Variants in GRIA4 observed in about 807,000 individuals in gnomAD.
GRIA4 encodes the protein glutamate ionotropic receptor AMPA type subunit 4, also known as glutamate receptor 4.
Under a neutral mutation model 104.0 loss-of-function variants are expected in GRIA4, and 34 were observed. That is an observed-to-expected ratio of 0.33 (90% CI 0.25 to 0.44). The LOEUF (loss-of-function observed/expected upper bound fraction) is 0.44. Among genes scored for constraint, GRIA4 ranks in the 20% least tolerant of loss-of-function variants. The probability of loss-of-function intolerance (pLI) is 1.00; values close to 1 mark genes in which losing one functional copy is unlikely to be tolerated. For synonymous variants in GRIA4, 386 were observed against 381.9 expected (o/e 1.01, Z -0.13); for missense variants, 750 against 1,096.5 (o/e 0.68, Z 4.46).
chr11:105,887,503 G>T lies in GRIA4; in HGVS notation c.673-16G>T. 8.7e-7 allele frequency: 1 copy of T among 1,151,896 alleles called. No individual in the cohort carries two copies. Among genetic ancestry groups the T allele is most frequent in the Admixed American group, 2.1e-5 (1 of 48,456 alleles). 71.4% of individuals were successfully genotyped at this position (1,151,896 alleles called of 1,614,324 possible). ...AATTAAAATTGATTTTCTCTTATTT[G>T]CTTATATCTTCACAGATTGTAAGTG... is the stretch of plus-strand genomic sequence containing the variant. On this transcript the variant is annotated splice_polypyrimidine_tract_variant and intron_variant, in intron 5 of 16. Coordinates refer to ENST00000282499, the MANE Select transcript of GRIA4 (RefSeq NM_000829.4).
intron 3 of GRIA4, among the ~76,000 whole-genome samples, chr11:105,660,895 T>G (rs188590809): frequency 1.3e-5 from 2 of 151,790 alleles, no homozygotes; most frequent in African/African-American, 4.8e-5. Flanking sequence ...ACTTACTTAT[T>G]TTCAAAGTTT....
At chr11:105,969,128 C>T (rs1202925465) in intron 14 of GRIA4, among the ~76,000 whole-genome samples, 3 of 152,168 alleles carry the variant, frequency 2.0e-5, no homozygotes, top group Non-Finnish European at 2.9e-5. Context: ...TGGTCGTGCA[C>T]TTCCTGATAA....
chr11:105,739,887 A>T (rs1051132014), intron 3 of GRIA4, among the ~76,000 whole-genome samples: 7 of 152,184 alleles, frequency 4.6e-5, no homozygotes, highest in Non-Finnish European at 8.8e-5. Flanking sequence ...CAACAGGTAA[A>T]AATTAAGTTA....
chr11:105,634,587 T>G (rs1189921743), intron 3 of GRIA4, among the ~76,000 whole-genome samples: 1 of 152,128 alleles, frequency 6.6e-6, no homozygotes, highest in Non-Finnish European at 1.5e-5. Flanking sequence ...TAGTATCTGC[T>G]GCATATACCA....
intron 4 of GRIA4, among the ~76,000 whole-genome samples, chr11:105,790,313 A>T (rs1465327519): frequency 6.6e-6 from 1 of 152,186 alleles, no homozygotes; most frequent in African/African-American, 2.4e-5. Flanking sequence ...GCTGTGTGTC[A>T]CGCTTTAGTA....
At position 105,979,596 on chromosome 11, in the gene GRIA4, A is replaced by T. The variant is rs367663263; in HGVS notation, c.2566A>T (p.Arg856Ter). ...RMKLTFSEAI[R>*]NKARLSITGS... Reference sequence around the variant, plus strand: ...CCAGCTGACCTTTTCTGAAGCCATAAGAAACAAAGCCAGATTATCCATCAC... The same window carrying T: ...CCAGCTGACCTTTTCTGAAGCCATATGAAACAAAGCCAGATTATCCATCAC... Residue 856 changes from arginine to a stop codon, truncating the protein, a stop_gained, in exon 17 of 17, where the codon AGA becomes TGA. Transcript: ENST00000282499. LOFTEE classifies it high-confidence loss of function. 6.2e-7 allele frequency: 1 copy of T among 1,614,084 alleles called. No homozygotes were observed. Among genetic ancestry groups the T allele is most frequent in the Non-Finnish European group, 8.5e-7 (1 of 1,180,028 alleles).
chr11:105,633,158 T>C (rs1951081970), intron 3 of GRIA4, among the ~76,000 whole-genome samples: 1 of 152,230 alleles, frequency 6.6e-6, no homozygotes, highest in South Asian at 2.1e-4. Context: ...ACTCAATGAA[T>C]TAGTGCCATT....
At chr11:105,629,096 T>C (rs988667544) in intron 3 of GRIA4, among the ~76,000 whole-genome samples, 3 of 82,390 alleles carry the variant, frequency 3.6e-5, no homozygotes, top group Non-Finnish European at 8.5e-5. Flanking sequence ...AAAAAAAAAA[T>C]TAGCGTGGCT....
chr11:105,752,957 G>A, intron 3 of GRIA4, 24 bp from the exon 4 acceptor site: 1 of 1,605,580 alleles, frequency 6.2e-7, no homozygotes. Context: ...AATAGTTTGT[G>A]GTGTTTTCTT....
intron 14 of GRIA4, among the ~76,000 whole-genome samples, chr11:105,968,418 T>C (rs1325416051): frequency 1.3e-5 from 2 of 152,188 alleles, no homozygotes; most frequent in Non-Finnish European, 2.9e-5. Context: ...ATTAGACTAT[T>C]TGGGGTCGCT....
At chr11:105,907,191 A>G (rs1346050428) in intron 9 of GRIA4, among the ~76,000 whole-genome samples, 1 of 152,184 alleles carries the variant, frequency 6.6e-6, no homozygotes, top group Non-Finnish European at 1.5e-5. Flanking sequence ...AACAAAAATT[A>G]AGACTTTTCA....
chr11:105,701,400 C>T (rs778585145), intron 3 of GRIA4, among the ~76,000 whole-genome samples: 5 of 152,160 alleles, frequency 3.3e-5, no homozygotes, highest in Non-Finnish European at 7.3e-5. Flanking sequence ...ATTACATCTA[C>T]TTGGAAGTTA....
At chr11:105,736,291 G>A (rs1284731752) in intron 3 of GRIA4, among the ~76,000 whole-genome samples, 1 of 152,062 alleles carries the variant, frequency 6.6e-6, no homozygotes, top group Non-Finnish European at 1.5e-5. Context: ...CCCTGTGGAT[G>A]CTGTACTTTG....
intron 3 of GRIA4, among the ~76,000 whole-genome samples, chr11:105,633,805 T>C (rs550451009): frequency 1.3e-5 from 2 of 152,220 alleles, no homozygotes; most frequent in South Asian, 4.1e-4. Context: ...GTTTACTATT[T>C]ACAAAACTTT....
In GRIA4 at chr11:105,610,997, G is replaced by T. The variant is rs756846222; in HGVS notation, c.-1G>T. On this transcript the variant is annotated 5_prime_UTR_variant, in exon 2 of 17. Coordinates refer to ENST00000282499, the MANE Select transcript of GRIA4 (RefSeq NM_000829.4). ...GCGCGCCAGGGAGAGGAGAAAAGAA[G>T]ATGAGGATTATTTCCAGACAGATTG... The T allele has an allele frequency of 6.2e-7, 1 of 1,606,784 alleles. No homozygotes were observed. The highest frequency in any genetic ancestry group is 8.5e-7 in the Non-Finnish European group (1 of 1,173,984).
intron 5 of GRIA4, among the ~76,000 whole-genome samples, chr11:105,877,507 C>G (rs1945874858): frequency 6.6e-6 from 1 of 152,162 alleles, no homozygotes; most frequent in Non-Finnish European, 1.5e-5. Context: ...GAGTGTTTTC[C>G]AACTTGCTTC....
At chr11:105,947,454 G>T (rs1004641694) in intron 14 of GRIA4, among the ~76,000 whole-genome samples, 2 of 152,150 alleles carry the variant, frequency 1.3e-5, no homozygotes, top group African/African-American at 2.4e-5. Flanking sequence ...ATATCAGGAA[G>T]ATTTGTTGTA....
chr11:105,948,726 C>T (rs1948392071), intron 14 of GRIA4, among the ~76,000 whole-genome samples: 2 of 151,340 alleles, frequency 1.3e-5, no homozygotes, highest in Admixed American at 6.6e-5. Flanking sequence ...CTGCCTCAGC[C>T]TCCTGAGTAG....
At chr11:105,802,501 A>G (rs1942763120) in intron 4 of GRIA4, among the ~76,000 whole-genome samples, 1 of 152,152 alleles carries the variant, frequency 6.6e-6, no homozygotes, top group African/African-American at 2.4e-5. Flanking sequence ...TGGGCACAAA[A>G]TGAAGAAAAG....
Sources: gnomAD v4.1 joint callset for allele counts (sites outside exome capture counted in the v4.1 genomes callset) on GRCh38, gnomAD v4.1.1 for gene constraint, MANE v1.5 for transcripts, NCBI Gene and HGNC (gene_info 2026-07-23, HGNC 2026-07-21) for gene names.